Variants in EXOC6B observed in about 807,000 individuals in gnomAD.
The protein encoded by EXOC6B is SEC15 homolog B.
A neutral mutation model predicts 113.5 loss-of-function variants in EXOC6B; 54 were observed. The ratio of observed to expected loss-of-function variants is 0.48; its 90% CI spans 0.38 to 0.60. EXOC6B has a LOEUF of 0.60. EXOC6B is among the 20% of genes least tolerant of loss of function. The pLI, the probability that EXOC6B is intolerant of heterozygous loss-of-function variation, is 0.00. For synonymous variants in EXOC6B, 357 were observed against 339.0 expected (o/e 1.05, Z -0.58); for missense variants, 797 against 977.5 (o/e 0.82, Z 2.46).
chr2:72,429,274 T>C (rs1416242776), intron 18 of EXOC6B, among the ~76,000 whole-genome samples: 4 of 152,088 alleles, frequency 2.6e-5, no homozygotes, highest in Admixed American at 2.6e-4. Flanking sequence ...CTATCCAAAA[T>C]AGAAAAGAAA....
intron 6 of EXOC6B, among the ~76,000 whole-genome samples, chr2:72,696,940 G>C (rs1677923655): frequency 6.6e-6 from 1 of 152,150 alleles, no homozygotes; most frequent in Admixed American, 6.6e-5. Flanking sequence ...TAAATATAAT[G>C]ATCAGATATG....
At chr2:72,374,875 A>T (rs1466808113) in intron 19 of EXOC6B, among the ~76,000 whole-genome samples, 1 of 151,276 alleles carries the variant, frequency 6.6e-6, no homozygotes, top group Admixed American at 6.6e-5. Context: ...ACCCAATTAA[A>T]AATAAAAGAT....
At position 72,691,942 on chromosome 2, in the gene EXOC6B, C is replaced by T. The variant is rs79156186; in HGVS notation, c.669+26161G>A. ...CAGGTGATCCGTCTGCCTCAGCCTC[C>T]CAAAGTGCTGGGATTACAGGTGTTT... On this transcript the variant is annotated intron_variant, in intron 6 of 21. Transcript: ENST00000272427. Among the ~76,000 whole-genome samples, 13 of 151,980 alleles carry T rather than the reference C, an allele frequency of 8.6e-5. No individual in the cohort carries two copies. The East Asian group carries it at 2.5e-3, about 29-fold the overall frequency.
At chr2:72,307,161 G>GTTTTTGTTTTTGTTTTTTT (rs758906963) in intron 20 of EXOC6B, among the ~76,000 whole-genome samples, 2 of 128,514 alleles carry the variant, frequency 1.6e-5, no homozygotes, top group African/African-American at 7.6e-5. Context: ...GTATAGTCCA[G>GTTTTTGTTTTTGTTTTTTT]TTTTTTTTTT....
At chr2:72,482,442 T>G (rs1699159214) in intron 16 of EXOC6B, among the ~76,000 whole-genome samples, 1 of 151,148 alleles carries the variant, frequency 6.6e-6, no homozygotes, top group African/African-American at 2.4e-5. Context: ...AGTTTTGGTG[T>G]GTAAGGCAAT....
At chr2:72,515,020 A>G (rs1171091503) in intron 9 of EXOC6B, 23 bp downstream of exon 9, 1 of 1,579,680 alleles carries the variant, frequency 6.3e-7, no homozygotes, top group Non-Finnish European at 8.6e-7. Flanking sequence ...AAAATGTGAG[A>G]AAAGTGAAGA....
chr2:72,402,587 A>T (rs1441560015), intron 18 of EXOC6B, among the ~76,000 whole-genome samples: 1 of 152,154 alleles, frequency 6.6e-6, no homozygotes, highest in African/African-American at 2.4e-5. Flanking sequence ...TAAATTCTAC[A>T]TTATTTTTGA....
At chr2:72,550,166 T>C (rs1703127855) in intron 8 of EXOC6B, among the ~76,000 whole-genome samples, 1 of 151,304 alleles carries the variant, frequency 6.6e-6, no homozygotes, top group Non-Finnish European at 1.5e-5. Context: ...TATTACAAAA[T>C]AAGAAAAAAA....
intron 6 of EXOC6B, among the ~76,000 whole-genome samples, chr2:72,675,817 T>TG (rs1296678193): frequency 2.9e-5 from 4 of 135,700 alleles, no homozygotes; most frequent in Admixed American, 7.9e-5. Context: ...AAAAAGTTGG[T>TG]GGGGGCGGGG....
At chr2:72,801,806 C>A (rs1685290519) in intron 1 of EXOC6B, among the ~76,000 whole-genome samples, 1 of 152,122 alleles carries the variant, frequency 6.6e-6, no homozygotes, top group South Asian at 2.1e-4. Context: ...ACCTTTCTAC[C>A]ATGAGAAGAT....
chr2:72,743,815 G>A (rs1017187527), intron 1 of EXOC6B, among the ~76,000 whole-genome samples: 6 of 152,150 alleles, frequency 3.9e-5, no homozygotes, highest in African/African-American at 1.4e-4. Flanking sequence ...CTGGGTACTG[G>A]ATCACTATGC....
chr2:72,392,180 A>G (rs1294664963), intron 18 of EXOC6B, among the ~76,000 whole-genome samples: 1 of 152,138 alleles, frequency 6.6e-6, no homozygotes, highest in Non-Finnish European at 1.5e-5. Flanking sequence ...GATACACAAG[A>G]GATTTTCAGC....
intron 6 of EXOC6B, among the ~76,000 whole-genome samples, chr2:72,710,046 T>C (rs1465884931): frequency 6.6e-6 from 1 of 152,120 alleles, no homozygotes; most frequent in African/African-American, 2.4e-5. Context: ...TTGTGAACAA[T>C]TGGTACCACC....
At chr2:72,191,675 A>G (rs1041159883) in intron 20 of EXOC6B, among the ~76,000 whole-genome samples, 4 of 152,224 alleles carry the variant, frequency 2.6e-5, no homozygotes, top group Admixed American at 6.5e-5. Context: ...AAGGCCATAC[A>G]GTGAGTTAAC....
intron 20 of EXOC6B, among the ~76,000 whole-genome samples, chr2:72,283,080 A>AT (rs1476480824): frequency 2.6e-5 from 4 of 152,170 alleles, no homozygotes; most frequent in African/African-American, 9.6e-5. Flanking sequence ...TCTATAGAAC[A>AT]CTACACCCAA....
chr2:72,692,179 G>T (rs1677536333), intron 6 of EXOC6B, among the ~76,000 whole-genome samples: 1 of 151,678 alleles, frequency 6.6e-6, no homozygotes, highest in Non-Finnish European at 1.5e-5. Context: ...TTACTGATAT[G>T]ATCACTAATT....
At chr2:72,559,099 T>C (rs1340572004) in intron 8 of EXOC6B, among the ~76,000 whole-genome samples, 3 of 152,192 alleles carry the variant, frequency 2.0e-5, no homozygotes, top group Non-Finnish European at 2.9e-5. Flanking sequence ...AAAGGAGTAA[T>C]TGTCATTAGG....
At chr2:72,450,716 C>T (rs951937728) in intron 18 of EXOC6B, among the ~76,000 whole-genome samples, 2 of 152,170 alleles carry the variant, frequency 1.3e-5, no homozygotes, top group African/African-American at 4.8e-5. Context: ...AATTGTGTTA[C>T]ATTCAGTGAT....
rs138828736 is a variant in EXOC6B, at chr2:72,237,313, G to A, written c.2197-53126C>T. Among the ~76,000 whole-genome samples the A allele has an allele frequency of 4.6e-3, 700 of 152,246 alleles. 7 individuals carry two copies. The highest frequency in any genetic ancestry group is 0.016 in the African/African-American group (648 of 41,550). On this transcript the variant is annotated intron_variant, in intron 20 of 21. Transcript: ENST00000272427. ...TCTGGTCACTGGGATGCCACATTTAGTTTTGCTCATTGATTTTTATCATTG... is the reference window on the plus strand; with the variant it reads ...TCTGGTCACTGGGATGCCACATTTAATTTTGCTCATTGATTTTTATCATTG...
Sources: allele counts gnomAD v4.1 joint callset (sites outside exome capture counted in the v4.1 genomes callset), GRCh38; gene constraint gnomAD v4.1.1; transcripts MANE v1.5; gene names NCBI Gene and HGNC (gene_info 2026-07-23, HGNC 2026-07-21).